Variants in FBN1 observed in about 807,000 individuals in gnomAD.
FBN1 encodes the protein fibrillin 1, also known as fibrillin-1.
In FBN1, 29 loss-of-function variants were observed where a neutral mutation model predicts 365.1. That is an observed-to-expected ratio of 0.08 (90% confidence interval 0.06 to 0.11). The LOEUF (loss-of-function observed/expected upper bound fraction) is 0.11. FBN1 is among the 10% of genes least tolerant of loss of function. The pLI is 1.00. For synonymous variants in FBN1, 1,210 were observed against 1,270.5 expected (o/e 0.95, Z 1.01); for missense variants, 2,476 against 3,703.2 (o/e 0.67, Z 8.60).
intron 5 of FBN1, among the ~76,000 whole-genome samples, chr15:48,598,641 G>T (rs937925793): frequency 3.3e-5 from 5 of 152,018 alleles, no homozygotes; most frequent in African/African-American, 1.2e-4. Flanking sequence ...TCTACCATCT[G>T]CCCAAAAAGG....
At chr15:48,466,735 C>G (rs189214758) in intron 38 of FBN1, among the ~76,000 whole-genome samples, 2 of 152,234 alleles carry the variant, frequency 1.3e-5, no homozygotes, top group East Asian at 3.9e-4. Flanking sequence ...TGTCATTAAT[C>G]TACAAAGCTG....
At chr15:48,436,880 A>G in intron 53 of FBN1, 81 bp downstream of exon 53, 3 of 873,434 alleles carry the variant, frequency 3.4e-6, no homozygotes, top group Non-Finnish European at 5.9e-6. Flanking sequence ...CTTGGTACCT[A>G]TATTCATGGC....
At chr15:48,534,290 T>G in intron 7 of FBN1, 85 bp from the exon 8 acceptor site, 2 of 1,388,592 alleles carry the variant, frequency 1.4e-6, no homozygotes, top group Non-Finnish European at 2.0e-6. Flanking sequence ...TTGTCCACAA[T>G]TATGTTACCA....
intron 6 of FBN1, among the ~76,000 whole-genome samples, chr15:48,588,056 T>C (rs1363504076): frequency 6.6e-6 from 1 of 152,188 alleles, no homozygotes; most frequent in Non-Finnish European, 1.5e-5. Flanking sequence ...ATCTAGTAGA[T>C]ACTTTGGGTA....
chr15:48,458,400 AG>A (rs1379681254), intron 43 of FBN1, among the ~76,000 whole-genome samples: 1 of 152,230 alleles, frequency 6.6e-6, no homozygotes, highest in Non-Finnish European at 1.5e-5. Context: ...AGAATCTCAA[AG>A]GGTTCATTGC....
intron 58 of FBN1, 92 bp from the exon 59 acceptor site, chr15:48,425,956 T>G: frequency 9.8e-7 from 1 of 1,018,272 alleles, no homozygotes; most frequent in South Asian, 1.4e-5. Context: ...ACTAATAAAT[T>G]GTGTTACTAT....
At position 48,472,584 on chromosome 15, in the gene FBN1, A is replaced by G. The variant is rs542680905; in HGVS notation, c.4303T>C (p.Phe1435Leu). 1 of 1,614,176 alleles carries G rather than the reference A, an allele frequency of 6.2e-7. No individual in the cohort carries two copies. Among genetic ancestry groups the G allele is most frequent in the South Asian group, 1.1e-5 (1 of 91,084 alleles). ...GCTTTCCCGTCAGCACTGGGCACGAAGCCCATGTCGCATTCACAGCGGTAT... is the reference window on the plus strand; with the variant it reads ...GCTTTCCCGTCAGCACTGGGCACGAGGCCCATGTCGCATTCACAGCGGTAT... ...GGYRCECDMG[F>L]VPSADGKACE... is the part of the protein sequence containing the mutation. Residue 1435 changes from phenylalanine (F) to leucine (L), a missense_variant, in exon 35 of 66, where the codon TTC (phenylalanine) becomes CTC (leucine). By Grantham distance (22) the Phe-to-Leu change is conservative. Around this residue, in one of 5 missense-constraint regions of FBN1, gnomAD observed 1,780 missense variants for 2,840.8 expected, o/e 0.63. Transcript: ENST00000316623.
At chr15:48,531,275 T>A (rs2043970720) in intron 8 of FBN1, among the ~76,000 whole-genome samples, 1 of 152,146 alleles carries the variant, frequency 6.6e-6, no homozygotes. Context: ...CTTTTTTTTT[T>A]AGTTTTTGGA....
At chr15:48,567,208 C>A (rs934309513) in intron 6 of FBN1, among the ~76,000 whole-genome samples, 1 of 152,138 alleles carries the variant, frequency 6.6e-6, no homozygotes, top group Non-Finnish European at 1.5e-5. Flanking sequence ...CCTTTAGGAA[C>A]GTTTTTATCA....
intron 6 of FBN1, among the ~76,000 whole-genome samples, chr15:48,558,976 T>C (rs1278919965): frequency 6.6e-6 from 1 of 152,166 alleles, no homozygotes; most frequent in African/African-American, 2.4e-5. Flanking sequence ...GGATTCACAC[T>C]GGGAACAAGA....
intron 9 of FBN1, among the ~76,000 whole-genome samples, chr15:48,524,969 T>C (rs1415546620): frequency 6.6e-6 from 1 of 152,242 alleles, no homozygotes; most frequent in Admixed American, 6.5e-5. Flanking sequence ...CTCATGTAGT[T>C]TGAAGCTCTC....
intron 9 of FBN1, among the ~76,000 whole-genome samples, chr15:48,522,334 TTAATA>T (rs1854919833): frequency 6.6e-6 from 1 of 152,068 alleles, no homozygotes; most frequent in South Asian, 2.1e-4. Context: ...TTTAATTAAT[TTAATA>T]TAATACACTT....
intron 32 of FBN1, among the ~76,000 whole-genome samples, chr15:48,476,436 G>A (rs41509547): frequency 0.011 from 1,625 of 152,118 alleles, 27 homozygotes; most frequent in African/African-American, 0.037. Flanking sequence ...GAAAGAACTC[G>A]TAATTCCATT....
intron 40 of FBN1, among the ~76,000 whole-genome samples, chr15:48,464,704 T>A (rs1211052943): frequency 6.6e-6 from 1 of 152,208 alleles, no homozygotes; most frequent in Non-Finnish European, 1.5e-5. Context: ...ACGCTTCTTA[T>A]GCTCACAAAA....
chr15:48,616,729 A>AAC (rs1193041362), intron 2 of FBN1, among the ~76,000 whole-genome samples: 2 of 152,022 alleles, frequency 1.3e-5, no homozygotes, highest in Non-Finnish European at 2.9e-5. Flanking sequence ...CCATCACTCC[A>AAC]ACACACACAC....
intron 16 of FBN1, 133 bp downstream of exon 16, chr15:48,504,892 C>A: frequency 3.4e-6 from 4 of 1,162,872 alleles, no homozygotes; most frequent in Admixed American, 1.8e-5. Context: ...GAGAACTGAC[C>A]CTGTTGGTTT....
chr15:48,596,859 A>C (rs2044520049), intron 5 of FBN1, among the ~76,000 whole-genome samples: 1 of 152,250 alleles, frequency 6.6e-6, no homozygotes, highest in Admixed American at 6.5e-5. Context: ...TAAGTACCAT[A>C]ATGAAAATCC....
intron 8 of FBN1, among the ~76,000 whole-genome samples, 186 bp downstream of exon 8, chr15:48,533,894 T>A (rs2043992103): frequency 1.3e-5 from 2 of 152,218 alleles, no homozygotes; most frequent in Admixed American, 6.5e-5. Flanking sequence ...TGGAAAAAGC[T>A]ACAGGGTTTT....
chr15:48,636,094 C>T (rs1469731263), intron 2 of FBN1, among the ~76,000 whole-genome samples: 1 of 152,192 alleles, frequency 6.6e-6, no homozygotes, highest in African/African-American at 2.4e-5. Context: ...CTCCTCACAT[C>T]CAAAGGTAGG....
Sources: gnomAD v4.1 joint callset for allele counts (sites outside exome capture counted in the v4.1 genomes callset) on GRCh38, gnomAD v4.1.1 for gene constraint, gnomAD v4.1.1 regional missense constraint, MANE v1.5 for transcripts, NCBI Gene and HGNC (gene_info 2026-07-23, HGNC 2026-07-21) for gene names.